EBAG9: variants seen among roughly 807,000 people sequenced by gnomAD.
EBAG9 encodes the protein receptor-binding cancer antigen expressed on SiSo cells.
EBAG9 carries 16 observed loss-of-function variants against 30.9 expected under a neutral mutation model. The ratio of observed to expected loss-of-function variants is 0.52; its 90% CI spans 0.35 to 0.79. EBAG9 has a LOEUF of 0.79. Among genes scored for constraint, EBAG9 ranks in the 30% least tolerant of loss-of-function variants. The probability of loss-of-function intolerance (pLI) is 0.01; values close to 1 mark genes in which losing one functional copy is unlikely to be tolerated. For missense variants in EBAG9, 197 were observed against 242.1 expected (o/e 0.81, Z 1.24); for synonymous variants, 93 against 82.8 (o/e 1.12, Z -0.67).
chr8:109,551,113 C>T (rs950800022), intron 2 of EBAG9, among the ~76,000 whole-genome samples: 3 of 151,948 alleles, frequency 2.0e-5, no homozygotes, highest in African/African-American at 7.2e-5. Context: ...TTTGTTCATT[C>T]AAATTCTTAC....
At chr8:109,546,301 A>G (rs1357554620) in intron 1 of EBAG9, among the ~76,000 whole-genome samples, 1 of 152,194 alleles carries the variant, frequency 6.6e-6, no homozygotes, top group African/African-American at 2.4e-5. Flanking sequence ...CTCTAATTGA[A>G]ATGCAATAAA....
At position 109,560,904 on chromosome 8, in the gene EBAG9, G is replaced by A. The variant is rs1821697917; in HGVS notation, c.496G>A (p.Ala166Thr). The A allele has an allele frequency of 1.9e-6, 3 of 1,612,826 alleles. No homozygotes were observed. Among genetic ancestry groups the A allele is most frequent in the Non-Finnish European group, 2.5e-6 (3 of 1,179,280 alleles). The change falls in exon 6 of 7, where the codon GCC becomes ACC. Residue 166 changes from alanine (A) to threonine (T), a missense_variant. Coordinates refer to ENST00000337573, the MANE Select transcript of EBAG9 (RefSeq NM_004215.5). Reference protein sequence around the residue: ...TNAWEEEEDAAWQAEEVLRQQ... With the variant: ...TNAWEEEEDATWQAEEVLRQQ... ...TGCATGGGAAGAAGAAGAAGATGCA[G>A]CCTGGCAAGCAGAAGAAGTTCTGAG...
intron 5 of EBAG9, among the ~76,000 whole-genome samples, chr8:109,559,889 G>A (rs1234379734): frequency 3.3e-5 from 5 of 151,758 alleles, no homozygotes; most frequent in Non-Finnish European, 7.4e-5. Context: ...TACTTTTCAA[G>A]GCTGTCATTT....
intron 6 of EBAG9, 68 bp from the exon 7 acceptor site, chr8:109,564,371 T>G (rs1821773415): frequency 2.5e-6 from 4 of 1,573,106 alleles, no homozygotes; most frequent in Non-Finnish European, 1.7e-6. Flanking sequence ...CTGCTATTTC[T>G]TTCTAGAATT....
In EBAG9 at chr8:109,557,027, T is replaced by G; in HGVS notation, c.414T>G (p.Pro138=). 1 of 1,604,012 alleles carries G rather than the reference T, an allele frequency of 6.2e-7. No individual in the cohort carries two copies. The highest frequency in any genetic ancestry group is 8.5e-7 in the Non-Finnish European group (1 of 1,173,854). ...SSRLAATQDL[P]FIHQSSELGD... is the part of the protein sequence containing the mutation. ...GATTAGCAGCTACACAAGATCTGCC[T>G]TTTATTCATCAGTCTGTAAGTATGT... The change falls in exon 5 of 7, where the codon CCT becomes CCG. Residue 138 remains proline, a synonymous_variant. Transcript: ENST00000337573.
intron 1 of EBAG9, among the ~76,000 whole-genome samples, chr8:109,543,135 CTTTT>C (rs557388998): frequency 3.8e-5 from 2 of 52,874 alleles, no homozygotes; most frequent in African/African-American, 8.1e-5. Context: ...TATTCTGGTT[CTTTT>C]TTTTTTTTTT....
intron 2 of EBAG9, among the ~76,000 whole-genome samples, chr8:109,552,606 A>C (rs1262535156): frequency 1.3e-5 from 2 of 152,208 alleles, no homozygotes; most frequent in African/African-American, 2.4e-5. Flanking sequence ...ATTTTCATTA[A>C]ATATAGATTA....
chr8:109,563,590 T>C (rs373404298), intron 6 of EBAG9: 1 of 1,530,180 alleles, frequency 6.5e-7, no homozygotes. Context: ...TTTTTTTTTT[T>C]TTTAAACTTA....
chr8:109,563,048 T>C (rs968602839), intron 6 of EBAG9, among the ~76,000 whole-genome samples: 8 of 152,168 alleles, frequency 5.3e-5, no homozygotes, highest in Non-Finnish European at 1.0e-4. Flanking sequence ...TTGACATTTT[T>C]AGTTCAGATT....
chr8:109,552,695 T>G (rs983126851), intron 2 of EBAG9, among the ~76,000 whole-genome samples: 1 of 152,212 alleles, frequency 6.6e-6, no homozygotes, highest in African/African-American at 2.4e-5. Flanking sequence ...GTTGTAAATG[T>G]ATACATATTT....
intron 5 of EBAG9, among the ~76,000 whole-genome samples, chr8:109,560,472 G>C (rs1218660908): frequency 6.6e-6 from 1 of 152,202 alleles, no homozygotes; most frequent in East Asian, 1.9e-4. Context: ...GGATCAGTCA[G>C]TTTCTTGTCA....
At position 109,540,385 on chromosome 8, in the gene EBAG9, GT is replaced by G. The variant is rs1446012722; in HGVS notation, c.-89del. ...GTATCCAGCTCCAGCAACTTAGAGC[GT>G]TTCACGTCACGCCGGGCGCCAGGCG... On this transcript the variant is annotated 5_prime_UTR_variant, in exon 1 of 7. It removes the in-frame stop codon of an upstream open reading frame in the 5' UTR. Transcript: ENST00000337573. 6.6e-6 allele frequency: 1 copy of G among 152,124 alleles called. No individual in the cohort carries two copies. Among genetic ancestry groups the G allele is most frequent in the African/African-American group, 2.4e-5 (1 of 41,402 alleles). The allele number at this position is 152,124 out of a possible 1,614,324, so 9.4% of individuals were successfully genotyped here.
intron 5 of EBAG9, 98 bp downstream of exon 5, chr8:109,557,140 A>G: frequency 1.4e-6 from 1 of 692,970 alleles, no homozygotes; most frequent in Non-Finnish European, 2.2e-6. Context: ...TAGTATTTAT[A>G]TTTTTGTAAC....
At chr8:109,549,931 A>G (rs1821459145) in intron 1 of EBAG9, among the ~76,000 whole-genome samples, 2 of 151,828 alleles carry the variant, frequency 1.3e-5, no homozygotes, top group African/African-American at 4.8e-5. Context: ...TTTACTTTTA[A>G]CCTATTTGTG....
At chr8:109,545,301 A>G (rs1821360034) in intron 1 of EBAG9, among the ~76,000 whole-genome samples, 1 of 144,910 alleles carries the variant, frequency 6.9e-6, no homozygotes, top group Non-Finnish European at 1.5e-5. Context: ...CAGCCTGGGC[A>G]ACAGAGCGAG....
upstream of EBAG9, chr8:109,540,086 C>A (rs1198340401): frequency 6.6e-6 from 1 of 152,640 alleles, no homozygotes; most frequent in Non-Finnish European, 1.5e-5. Context: ...CACCAGACCT[C>A]CCTCGACGCC....
chr8:109,562,229 A>T (rs1821725144), intron 6 of EBAG9, among the ~76,000 whole-genome samples: 1 of 152,078 alleles, frequency 6.6e-6, no homozygotes, highest in Middle Eastern at 3.2e-3. Flanking sequence ...CAGTAATCTC[A>T]CTGTAGAGTT....
intron 1 of EBAG9, among the ~76,000 whole-genome samples, chr8:109,549,482 G>T (rs1170478864): frequency 6.6e-6 from 1 of 151,898 alleles, no homozygotes; most frequent in Non-Finnish European, 1.5e-5. Flanking sequence ...TAAGTGTTTT[G>T]TAGAATTTAC....
chr8:109,560,088 A>T (rs1353913352), intron 5 of EBAG9, among the ~76,000 whole-genome samples: 1 of 152,194 alleles, frequency 6.6e-6, no homozygotes, highest in African/African-American at 2.4e-5. Context: ...ATGTGTTCAC[A>T]GATTGGTACC....
Sources: allele counts gnomAD v4.1 joint callset (sites outside exome capture counted in the v4.1 genomes callset), GRCh38; gene constraint gnomAD v4.1.1; transcripts MANE v1.5; gene names NCBI Gene and HGNC (gene_info 2026-07-23, HGNC 2026-07-21).